The following KIAA0753 variants were observed in gnomAD, a reference collection of about 807,000 sequenced individuals.
KIAA0753 encodes the protein protein moonraker.
A neutral mutation model predicts 116.9 loss-of-function variants in KIAA0753; 114 were observed. The ratio of observed to expected loss-of-function variants is 0.98; its 90% CI spans 0.84 to 1.14. The LOEUF (loss-of-function observed/expected upper bound fraction) is 1.14. Ranked by LOEUF, KIAA0753 falls within the 50% of genes most tolerant of loss-of-function variation. KIAA0753 has a pLI of 0.00. For synonymous variants in KIAA0753, 405 were observed against 413.1 expected, an observed-to-expected ratio of 0.98 and a Z score of 0.24; for missense variants, 1,156 against 1,172.4, an observed-to-expected ratio of 0.99 and a Z score of 0.20.
chr17:6,605,294 T>C (rs79669882), intron 12 of KIAA0753, among the ~76,000 whole-genome samples: 9,876 of 152,188 alleles, frequency 0.065, 580 homozygotes, highest in African/African-American at 0.15. Context: ...ATCCCCACAG[T>C]AGCTGACCAG....
chr17:6,579,658 C>T lies in KIAA0753; in HGVS notation c.*89G>A. On this transcript the variant is annotated 3_prime_UTR_variant, in exon 19 of 19. Coordinates refer to ENST00000361413, the MANE Select transcript of KIAA0753 (RefSeq NM_014804.3). Reference sequence around the variant, plus strand: ...GCACCTTCTGGGCCTGGATGGACAGCTGAGGATGAAAATTTCCTGTGGGCC... The same window carrying T: ...GCACCTTCTGGGCCTGGATGGACAGTTGAGGATGAAAATTTCCTGTGGGCC... 1 of 885,316 alleles carries T rather than the reference C, an allele frequency of 1.1e-6. No individual in the cohort carries two copies. Among genetic ancestry groups the T allele is most frequent in the Admixed American group, 1.7e-5 (1 of 57,220 alleles). 54.8% of individuals were successfully genotyped at this position (885,316 alleles called of 1,614,324 possible).
chr17:6,587,224 T>G (rs1597459764), intron 18 of KIAA0753, among the ~76,000 whole-genome samples: 1 of 151,898 alleles, frequency 6.6e-6, no homozygotes, highest in South Asian at 2.1e-4. Context: ...AGAGTGAGAC[T>G]CCATCTAAAA....
chr17:6,591,101 G>A (rs1969030655), intron 16 of KIAA0753, among the ~76,000 whole-genome samples: 1 of 141,770 alleles, frequency 7.1e-6, no homozygotes, highest in Non-Finnish European at 1.6e-5. Flanking sequence ...AGAAGAAGAA[G>A]AAGAAGAAAA....
chr17:6,618,759 T>G (rs1014809256), intron 7 of KIAA0753, among the ~76,000 whole-genome samples: 12 of 152,080 alleles, frequency 7.9e-5, no homozygotes, highest in Non-Finnish European at 1.6e-4. Flanking sequence ...CTGATATATA[T>G]AACTTTCAAA....
chr17:6,623,029 A>G lies in KIAA0753; in HGVS notation c.957T>C (p.Thr319=). 1 of 1,614,156 alleles carries G rather than the reference A, an allele frequency of 6.2e-7. No individual in the cohort carries two copies. Among genetic ancestry groups the G allele is most frequent in the South Asian group, 1.1e-5 (1 of 91,078 alleles). ...GATGCTCCCCTCGGTCAGTAAACTG[A>G]GTGACAAACATCTGTAAGGCCCGAA... ...GAIRALQMFV[T]QFTDRGEHPL... Residue 319 remains threonine (T), a synonymous_variant, in exon 6 of 19, where the codon ACT becomes ACC. Coordinates refer to ENST00000361413, the MANE Select transcript of KIAA0753 (RefSeq NM_014804.3).
At chr17:6,586,764 C>T (rs1186879416) in intron 18 of KIAA0753, among the ~76,000 whole-genome samples, 2 of 152,256 alleles carry the variant, frequency 1.3e-5, no homozygotes, top group East Asian at 3.9e-4. Context: ...ATATCACCTG[C>T]TCAAGCTAAT....
At chr17:6,607,146 G>T in intron 11 of KIAA0753, 35 bp downstream of exon 11, 9 of 1,545,294 alleles carry the variant, frequency 5.8e-6, no homozygotes, top group Non-Finnish European at 8.1e-6. Flanking sequence ...GAATAGGCCT[G>T]CTTACCTTTT....
chr17:6,622,824 G>T, intron 6 of KIAA0753, 58 bp downstream of exon 6: 1 of 1,411,298 alleles, frequency 7.1e-7, no homozygotes, highest in Non-Finnish European at 1.0e-6. Flanking sequence ...ACGAAACTAG[G>T]TAATAGTAAG....
chr17:6,591,040 GGAAGAAGAAGAAGAA>G (rs71157205), intron 16 of KIAA0753, among the ~76,000 whole-genome samples: 2,732 of 99,826 alleles, frequency 0.027, 141 homozygotes, highest in Middle Eastern at 0.032. Flanking sequence ...GAAGGAAGAA[GGAAGAAGAAGAAGAA>G]GAAGAAGAAG....
intron 2 of KIAA0753, chr17:6,634,638 A>G (rs760240446): frequency 2.1e-4 from 36 of 170,628 alleles, no homozygotes; most frequent in Non-Finnish European, 3.1e-4. Flanking sequence ...TTCATAATAT[A>G]ATGCTAGGGG....
intron 16 of KIAA0753, among the ~76,000 whole-genome samples, chr17:6,593,438 G>A (rs553644475): frequency 3.2e-4 from 48 of 152,052 alleles, no homozygotes; most frequent in South Asian, 1.2e-3. Flanking sequence ...GAGGCCGGGC[G>A]CAATGGCTCA....
At chr17:6,617,877 C>G (rs976052763) in intron 7 of KIAA0753, among the ~76,000 whole-genome samples, 1 of 152,146 alleles carries the variant, frequency 6.6e-6, no homozygotes, top group South Asian at 2.1e-4. Context: ...CCAAGGCAGG[C>G]GGATCACCTG....
At chr17:6,630,387 T>C (rs995416001) in intron 2 of KIAA0753, among the ~76,000 whole-genome samples, 5 of 152,072 alleles carry the variant, frequency 3.3e-5, no homozygotes, top group South Asian at 2.1e-4. Flanking sequence ...CTGGTGGTCA[T>C]GCAAATTGGC....
At chr17:6,580,792 T>C (rs551501123) in intron 18 of KIAA0753, among the ~76,000 whole-genome samples, 2 of 152,058 alleles carry the variant, frequency 1.3e-5, no homozygotes, top group East Asian at 3.9e-4. Context: ...AGCTGCAACC[T>C]AGCCCCACCT....
intron 14 of KIAA0753, among the ~76,000 whole-genome samples, chr17:6,598,234 A>T (rs183446607): frequency 3.9e-5 from 6 of 152,276 alleles, no homozygotes; most frequent in Admixed American, 3.3e-4. Flanking sequence ...TAGAAAAAAA[A>T]ATATATCATT....
intron 3 of KIAA0753, among the ~76,000 whole-genome samples, chr17:6,626,524 G>A (rs544876994): frequency 7.2e-5 from 11 of 152,180 alleles, no homozygotes; most frequent in Admixed American, 2.6e-4. Flanking sequence ...TAAATGGAAC[G>A]GGCTTAGGTG....
intron 16 of KIAA0753, among the ~76,000 whole-genome samples, chr17:6,592,834 CTG>C (rs1969170408): frequency 6.6e-6 from 1 of 152,024 alleles, no homozygotes; most frequent in Non-Finnish European, 1.5e-5. Context: ...TTAAAAATGT[CTG>C]TTCATAATAA....
At chr17:6,597,698 T>TA (rs569960116) in intron 14 of KIAA0753, among the ~76,000 whole-genome samples, 4 of 152,238 alleles carry the variant, frequency 2.6e-5, no homozygotes, top group Non-Finnish European at 4.4e-5. Context: ...GTTATAATGG[T>TA]ACCTTTACAA....
chr17:6,608,377 C>CA lies in KIAA0753; in HGVS notation c.1799dup (p.Thr601AspfsTer5). ...CTGCTTCATGCTCAACAGCACCTGT[C>CA]AGGTGACTTTCCTCTTGAGGATCTT... On this transcript the variant is annotated frameshift_variant, in exon 10 of 19. Coordinates refer to ENST00000361413, the MANE Select transcript of KIAA0753 (RefSeq NM_014804.3). LOFTEE classifies it high-confidence loss of function. 4 of 1,551,604 alleles carry CA rather than the reference C, an allele frequency of 2.6e-6. No individual in the cohort carries two copies. Among genetic ancestry groups the CA allele is most frequent in the Non-Finnish European group, 3.5e-6 (4 of 1,142,994 alleles).
Sources: gnomAD v4.1 joint callset for allele counts (sites outside exome capture counted in the v4.1 genomes callset) on GRCh38, gnomAD v4.1.1 for gene constraint, MANE v1.5 for transcripts, NCBI Gene and HGNC (gene_info 2026-07-23, HGNC 2026-07-21) for gene names.